ACTR3C: variants seen among roughly 807,000 people sequenced by gnomAD.
The protein encoded by ACTR3C is actin-related protein 3C.
In ACTR3C, 18 loss-of-function variants were observed where a neutral mutation model predicts 26.3. That is an observed-to-expected ratio of 0.68 (90% CI 0.47 to 1.01). ACTR3C has a LOEUF of 1.01. ACTR3C is among the 50% of genes least tolerant of loss of function. ACTR3C has a pLI of 0.00. For missense variants in ACTR3C, 184 were observed against 250.7 expected, an observed-to-expected ratio of 0.73 and a Z score of 1.80; for synonymous variants, 55 against 94.5, an observed-to-expected ratio of 0.58 and a Z score of 2.42.
chr7:149,977,926 G>C, the ACTR3C span, among the ~76,000 whole-genome samples: 1 of 151,308 alleles, frequency 6.6e-6, no homozygotes, highest in Non-Finnish European at 1.5e-5. Flanking sequence ...AGCAGAATCA[G>C]AGGTAATAGG....
At chr7:150,040,276 C>T in the ACTR3C span, among the ~76,000 whole-genome samples, 1 of 147,696 alleles carries the variant, frequency 6.8e-6, no homozygotes, top group African/African-American at 2.5e-5. Context: ...CTACCGGCCT[C>T]AGCCAGGGCC....
At chr7:150,106,059 A>C in the ACTR3C span, among the ~76,000 whole-genome samples, 1 of 152,030 alleles carries the variant, frequency 6.6e-6, no homozygotes, top group African/African-American at 2.4e-5. Flanking sequence ...TAAATCACTG[A>C]CTTGCTTGAA....
rs1251502627 is a variant in ACTR3C at position 150,295,353 on chromosome 7, A to G, written c.-51-6T>C. 3.7e-6 allele frequency: 6 copies of G among 1,611,540 alleles called. No individual in the cohort carries two copies. The South Asian group carries it at 4.4e-5, about 12-fold the overall frequency. The stretch of plus-strand genomic sequence containing the variant: ...GTATTGAGTGGAGGTTCTGTCTGTA[A>G]GAAAACATTCACTATATTTAGTGTT... On this transcript the variant is annotated splice_polypyrimidine_tract_variant and splice_region_variant and intron_variant, in intron 1 of 7. Transcript: ENST00000683684.
intron 1 of ACTR3C, among the ~76,000 whole-genome samples, chr7:150,308,386 G>T (rs940976161): frequency 2.0e-5 from 3 of 152,092 alleles, no homozygotes; most frequent in African/African-American, 7.2e-5. Context: ...GCTCGACAAT[G>T]GTTCCAAGTG....
At chr7:150,197,528 T>C in the ACTR3C span, among the ~76,000 whole-genome samples, 1 of 152,210 alleles carries the variant, frequency 6.6e-6, no homozygotes, top group South Asian at 2.1e-4. Flanking sequence ...TTTTTTCTCC[T>C]GTTTTAAAGT....
chr7:150,262,982 C>T (rs1434110506), intron 6 of ACTR3C, among the ~76,000 whole-genome samples: 1 of 152,208 alleles, frequency 6.6e-6, no homozygotes, highest in South Asian at 2.1e-4. Flanking sequence ...GCAGCAAAGA[C>T]GTTCAAAGAA....
the ACTR3C span, among the ~76,000 whole-genome samples, chr7:150,029,596 T>C: frequency 6.6e-6 from 1 of 151,958 alleles, no homozygotes; most frequent in Non-Finnish European, 1.5e-5. Context: ...CAAAAACTCT[T>C]ACACTGCTCT....
At chr7:150,213,797 T>C in the ACTR3C span, among the ~76,000 whole-genome samples, 3 of 146,306 alleles carry the variant, frequency 2.1e-5, no homozygotes, top group African/African-American at 5.1e-5. Flanking sequence ...TGACAAGTGA[T>C]AGTTTATCAA....
At chr7:149,999,888 C>G in the ACTR3C span, among the ~76,000 whole-genome samples, 1 of 151,996 alleles carries the variant, frequency 6.6e-6, no homozygotes, top group African/African-American at 2.4e-5. Flanking sequence ...ACTACTAATA[C>G]CTGGTTTTCT....
chr7:150,131,435 G>A, the ACTR3C span, among the ~76,000 whole-genome samples: 8 of 151,780 alleles, frequency 5.3e-5, no homozygotes, highest in South Asian at 2.1e-4. Flanking sequence ...CCAAAAAGCC[G>A]CTCTTCTGTT....
the ACTR3C span, among the ~76,000 whole-genome samples, chr7:150,113,463 G>A: frequency 3.4e-4 from 52 of 152,222 alleles, 1 homozygote; most frequent in South Asian, 0.01. Context: ...AGTTCACAAG[G>A]GGAGTCTGGG....
At chr7:150,003,361 G>A in the ACTR3C span, among the ~76,000 whole-genome samples, 736 of 149,530 alleles carry the variant, frequency 4.9e-3, no homozygotes, top group Admixed American at 0.012. Context: ...GGTATGTGGT[G>A]TGTGCTGTGT....
intron 1 of ACTR3C, among the ~76,000 whole-genome samples, chr7:150,315,891 C>A (rs1316381505): frequency 6.6e-6 from 1 of 152,064 alleles, no homozygotes; most frequent in East Asian, 1.9e-4. Flanking sequence ...TACACAGTTT[C>A]CTTATATTTA....
At chr7:150,043,129 T>A in the ACTR3C span, among the ~76,000 whole-genome samples, 2 of 151,280 alleles carry the variant, frequency 1.3e-5, no homozygotes, top group Non-Finnish European at 1.5e-5. Context: ...GCTTTCTTTC[T>A]GTTCCCGAGC....
chr7:150,014,962 A>C, the ACTR3C span, among the ~76,000 whole-genome samples: 2 of 152,122 alleles, frequency 1.3e-5, no homozygotes, highest in Non-Finnish European at 2.9e-5. Context: ...CTTTCCCTGG[A>C]TTTTGTTTTC....
chr7:150,243,845 C>T (rs1296752197), downstream of ACTR3C: 8 of 151,804 alleles, frequency 5.3e-5, no homozygotes, highest in Admixed American at 3.3e-4. Flanking sequence ...TTTGAATCCA[C>T]GAATTCAGAA....
the ACTR3C span, among the ~76,000 whole-genome samples, chr7:149,896,054 A>AAAC: frequency 2.2e-5 from 3 of 137,194 alleles, no homozygotes; most frequent in African/African-American, 8.2e-5. Flanking sequence ...AAAAAAAAAA[A>AAAC]AACACAAAAA....
the ACTR3C span, among the ~76,000 whole-genome samples, chr7:149,986,320 G>T: frequency 5.9e-5 from 9 of 152,240 alleles, no homozygotes; most frequent in South Asian, 1.5e-3. Context: ...TCTACTGTTT[G>T]TACCTTATGA....
chr7:150,180,710 A>AC, the ACTR3C span, among the ~76,000 whole-genome samples: 7 of 148,916 alleles, frequency 4.7e-5, no homozygotes, highest in South Asian at 4.2e-4. Flanking sequence ...ACGGGGTTTC[A>AC]CGTGTTAGCC....
Sources: allele counts gnomAD v4.1 joint callset (sites outside exome capture counted in the v4.1 genomes callset), GRCh38; gene constraint gnomAD v4.1.1; transcripts MANE v1.5; gene names NCBI Gene and HGNC (gene_info 2026-07-23, HGNC 2026-07-21).